MOV10L1: variants seen among roughly 807,000 people sequenced by gnomAD.
MOV10L1 encodes the protein Mov10 like RNA helicase 1.
A neutral mutation model predicts 143.8 loss-of-function variants in MOV10L1; 110 were observed. The observed-to-expected ratio is 0.76, with a 90% confidence interval of 0.66 to 0.90. The LOEUF is 0.90. MOV10L1 is among the 40% of genes least tolerant of loss of function. The pLI, the probability that MOV10L1 is intolerant of heterozygous loss-of-function variation, is 0.00. For missense variants in MOV10L1, 1,406 were observed against 1,526.8 expected (o/e 0.92, Z 1.32); for synonymous variants, 593 against 581.1 (o/e 1.02, Z -0.29).
chr22:50,150,652 G>A (rs1199188416), intron 20 of MOV10L1, 83 bp from the exon 21 acceptor site: 10 of 1,481,070 alleles, frequency 6.8e-6, no homozygotes, highest in African/African-American at 4.2e-5. Flanking sequence ...GCCATCCTGC[G>A]CACAGCCCCA....
intron 17 of MOV10L1, 110 bp downstream of exon 17, chr22:50,143,331 C>T (rs1263785965): frequency 8.3e-7 from 1 of 1,199,280 alleles, no homozygotes; most frequent in Non-Finnish European, 1.2e-6. Flanking sequence ...TTGGAAAGAG[C>T]TTGAGAAATA....
rs1407214378 is a variant in MOV10L1, at chr22:50,099,517, G to A, written c.357G>A (p.Val119=). ...GTCCCTCAGACTGCGGCCCCCGAGT[G>A]TTGATTGGCTGTGTGACTTCCCTGG... ...HGSPSDCGPR[V]LIGCVTSLVE... is the part of the protein sequence containing the mutation. The change falls in exon 3 of 27, where the codon GTG becomes GTA. Residue 119 remains valine, a synonymous_variant. Transcript: ENST00000262794. The A allele has an allele frequency of 6.2e-7, 1 of 1,614,132 alleles. No individual in the cohort carries two copies. The highest frequency in any genetic ancestry group is 8.5e-7 in the Non-Finnish European group (1 of 1,180,050).
At chr22:50,112,465 G>A (rs931058068) in intron 5 of MOV10L1, among the ~76,000 whole-genome samples, 1 of 152,222 alleles carries the variant, frequency 6.6e-6, no homozygotes, top group African/African-American at 2.4e-5. Context: ...AGCGTGGCCT[G>A]GGGGTCTTCA....
chr22:50,131,876 C>G (rs2062687886), intron 13 of MOV10L1, among the ~76,000 whole-genome samples: 1 of 152,152 alleles, frequency 6.6e-6, no homozygotes, highest in Non-Finnish European at 1.5e-5. Context: ...TAGCATAGCA[C>G]CATAGATGGG....
intron 6 of MOV10L1, 132 bp downstream of exon 6, chr22:50,113,920 T>A: frequency 2.4e-6 from 2 of 842,536 alleles, no homozygotes; most frequent in Non-Finnish European, 3.2e-6. Flanking sequence ...TTCTTTTTTT[T>A]TTTTTTTTTT....
intron 1 of MOV10L1, among the ~76,000 whole-genome samples, 178 bp from the exon 2 acceptor site, chr22:50,091,823 G>C (rs1164364667): frequency 1.3e-5 from 2 of 152,120 alleles, no homozygotes; most frequent in African/African-American, 4.8e-5. Context: ...CAAACCCCAC[G>C]TTCCAGACAC....
chr22:50,157,520 G>T (rs2147020068), intron 22 of MOV10L1, among the ~76,000 whole-genome samples: 1 of 152,186 alleles, frequency 6.6e-6, no homozygotes, highest in South Asian at 2.1e-4. Flanking sequence ...GTGGTGTCAG[G>T]TGAGGGTCCG....
chr22:50,113,558 C>T (rs2062080262), intron 5 of MOV10L1, 90 bp from the exon 6 acceptor site: 7 of 1,510,880 alleles, frequency 4.6e-6, no homozygotes, highest in Non-Finnish European at 6.2e-6. Context: ...TCTGAGTGCC[C>T]CCACCAGCAG....
chr22:50,120,021 C>G (rs1246623760), intron 9 of MOV10L1, among the ~76,000 whole-genome samples: 1 of 152,094 alleles, frequency 6.6e-6, no homozygotes, highest in Non-Finnish European at 1.5e-5. Flanking sequence ...TCATCCTGAA[C>G]AAACTGAATT....
intron 13 of MOV10L1, among the ~76,000 whole-genome samples, chr22:50,129,051 T>C (rs1322834544): frequency 6.6e-6 from 1 of 152,198 alleles, no homozygotes; most frequent in Non-Finnish European, 1.5e-5. Flanking sequence ...GCCCCCACCA[T>C]GCCTGTGGTT....
intron 9 of MOV10L1, among the ~76,000 whole-genome samples, chr22:50,118,814 A>G (rs935572534): frequency 6.6e-6 from 1 of 152,212 alleles, no homozygotes; most frequent in Non-Finnish European, 1.5e-5. Context: ...TCTTGGTTCC[A>G]GCTGATCTCA....
At chr22:50,143,735 C>G (rs1313424528) in intron 17 of MOV10L1, among the ~76,000 whole-genome samples, 1 of 152,200 alleles carries the variant, frequency 6.6e-6, no homozygotes, top group African/African-American at 2.4e-5. Context: ...AGCGTTAAGT[C>G]AAACCATCAT....
At chr22:50,145,460 TG>T (rs2063127349) in intron 18 of MOV10L1, among the ~76,000 whole-genome samples, 1 of 152,038 alleles carries the variant, frequency 6.6e-6, no homozygotes, top group Admixed American at 6.5e-5. Context: ...GAATAGAAAA[TG>T]TACAAAGTTG....
intron 15 of MOV10L1, among the ~76,000 whole-genome samples, chr22:50,141,065 G>A (rs905218705): frequency 7.0e-6 from 1 of 142,224 alleles, no homozygotes; most frequent in Non-Finnish European, 1.6e-5. Flanking sequence ...TTTTTTTTTT[G>A]TTTTGAGACA....
intron 5 of MOV10L1, chr22:50,109,688 A>G: frequency 4.4e-6 from 1 of 227,934 alleles, no homozygotes; most frequent in Non-Finnish European, 9.1e-6. Flanking sequence ...AAAAAAAAAA[A>G]AAAATTAGCC....
At chr22:50,124,098 T>G (rs1260317641) in intron 10 of MOV10L1, among the ~76,000 whole-genome samples, 1 of 152,192 alleles carries the variant, frequency 6.6e-6, no homozygotes, top group Non-Finnish European at 1.5e-5. Context: ...TTTTCCTGGT[T>G]TTCTGTATTG....
chr22:50,149,712 C>G lies in MOV10L1; in HGVS notation c.2725C>G (p.Gln909Glu). The change falls in exon 20 of 27, where the codon CAG becomes GAG. Residue 909 changes from glutamine to glutamate, a missense_variant and splice_region_variant. This residue lies in a region of MOV10L1 where 1,233 missense variants were observed against 1,351.4 expected (regional missense o/e 0.91). Transcript: ENST00000262794. ...GGGGCTGATGTCGGACATCAGTGGC[C>G]AGGTAAGTCCCGACTACTGTGTGTG... Reference protein sequence around the residue: ...PLGLMSDISGQIVLAGDPMQL... With the variant: ...PLGLMSDISGEIVLAGDPMQL... 6.2e-7 allele frequency: 1 copy of G among 1,612,948 alleles called. No homozygotes were observed. The highest frequency in any genetic ancestry group is 8.5e-7 in the Non-Finnish European group (1 of 1,179,380).
rs3810971 is a variant in MOV10L1 at position 50,108,237 on chromosome 22, C to T, written c.544C>T (p.Arg182Cys). The T allele has an allele frequency of 0.24, 387,559 of 1,612,090 alleles. 48,249 individuals carry two copies. The highest frequency in any genetic ancestry group is 0.39 in the Admixed American group (23,485 of 59,736). ...ATSVKPLRYKRVDKVCISSLC... is the reference protein window; with the variant it reads ...ATSVKPLRYKCVDKVCISSLC... ...CTCAGTGAAGCCACTGAGATACAAG[C>T]GCGTGGACAAGGTAGCGTGCCGACT... The change falls in exon 4 of 27, where the codon CGC becomes TGC. Residue 182 changes from arginine (R) to cysteine (C), a missense_variant. Arg to Cys is a radical substitution (Grantham distance 180). Around this residue, in one of 3 missense-constraint regions of MOV10L1, gnomAD observed 1,233 missense variants for 1,351.4 expected, o/e 0.91. Transcript: ENST00000262794.
rs756167113 is a variant in MOV10L1, at chr22:50,132,246, C to T, written c.1911-1761C>T. ...GATAAGTCTCAAAATCAGGTAGTAT[C>T]AAGCCTCCAACTTTGTTCCTTTTCA... On this transcript the variant is annotated intron_variant, in intron 13 of 26. Coordinates refer to ENST00000262794, the MANE Select transcript of MOV10L1 (RefSeq NM_018995.3). 2.1e-4 allele frequency among the ~76,000 whole-genome samples: 32 copies of T among 152,200 alleles called. 1 individual carries two copies. The highest frequency in any genetic ancestry group is 4.1e-4 in the Non-Finnish European group (28 of 68,038).
Sources: gnomAD v4.1 joint callset for allele counts (sites outside exome capture counted in the v4.1 genomes callset) on GRCh38, gnomAD v4.1.1 for gene constraint, gnomAD v4.1.1 regional missense constraint, MANE v1.5 for transcripts, NCBI Gene and HGNC (gene_info 2026-07-23, HGNC 2026-07-21) for gene names.